The following ATXN8OS variants were observed in gnomAD, a reference collection of about 807,000 sequenced individuals.
ATXN8OS encodes the protein ATXN8 opposite strand lncRNA, also known as ATXN8 opposite strand (non-protein coding).
At chr13:70,126,255 T>C (rs765147642) in intron 2 of ATXN8OS, among the ~76,000 whole-genome samples, 13 of 152,180 alleles carry the variant, frequency 8.5e-5, no homozygotes, top group Non-Finnish European at 1.8e-4. Context: ...AATAGATATG[T>C]ATACATAAAT....
At chr13:70,140,935 G>T (rs1423180833) in intron 3 of ATXN8OS, among the ~76,000 whole-genome samples, 2 of 152,228 alleles carry the variant, frequency 1.3e-5, no homozygotes, top group East Asian at 3.9e-4. Context: ...TAGTTGTAGA[G>T]GTCCACTCCT....
At chr13:70,167,017 C>T (rs1345053290) in intron 4 of ATXN8OS, among the ~76,000 whole-genome samples, 1 of 151,862 alleles carries the variant, frequency 6.6e-6, no homozygotes, top group African/African-American at 2.4e-5. Flanking sequence ...CAGGAAACAA[C>T]AGGTGCTGGA....
chr13:70,139,383 A>ACTACTACTACTACTACTGCTGCTGCTG, intron 3 of ATXN8OS: 12 of 458,322 alleles, frequency 2.6e-5, no homozygotes, highest in African/African-American at 1.2e-4. Flanking sequence ...TACTACTACT[A>ACTACTACTACTACTACTGCTGCTGCTG]CTGCTGCTGC....
In ATXN8OS at chr13:70,157,065, C is replaced by G. The variant is rs140220792; in HGVS notation, n.573+9637C>G. 5.9e-4 allele frequency among the ~76,000 whole-genome samples: 89 copies of G among 152,110 alleles called. No homozygotes were observed. In the East Asian group the frequency reaches 0.014, roughly 24 times the overall value. On this transcript the variant is annotated intron_variant and non_coding_transcript_variant, in intron 4 of 4. Transcript: ENST00000678624. Reference sequence around the variant, plus strand: ...CAAAAGAATTGTCACTTTAATAAACCAATGAAAATGCTAATGCAATCTGAT... The same window carrying G: ...CAAAAGAATTGTCACTTTAATAAACGAATGAAAATGCTAATGCAATCTGAT...
At chr13:70,123,246 G>T (rs994526894) in intron 2 of ATXN8OS, among the ~76,000 whole-genome samples, 3 of 152,002 alleles carry the variant, frequency 2.0e-5, no homozygotes, top group Non-Finnish European at 4.4e-5. Context: ...GTAACTAATT[G>T]AAGTTGATGT....
intron 3 of ATXN8OS, chr13:70,131,468 AC>A (rs2137483598): frequency 2.5e-6 from 1 of 398,428 alleles, no homozygotes; most frequent in Non-Finnish European, 4.4e-6. Context: ...TCTGTCCCTT[AC>A]CTTTTCTCCA....
intron 1 of ATXN8OS, among the ~76,000 whole-genome samples, chr13:70,114,869 G>A (rs991067207): frequency 2.0e-5 from 3 of 151,954 alleles, no homozygotes; most frequent in Non-Finnish European, 2.9e-5. Context: ...TCCATAAGCC[G>A]TACTTTTTCT....
In ATXN8OS at chr13:70,139,294, G is replaced by A. The variant is rs17751306; in HGVS notation, n.500-8061G>A. 9,161 of 528,636 alleles carry A rather than the reference G, an allele frequency of 0.017. 120 individuals are homozygous for A. Among genetic ancestry groups the A allele is most frequent in the Non-Finnish European group, 0.022 (6,638 of 299,780 alleles). The allele number at this position is 528,636 out of a possible 1,614,324, so 32.7% of individuals were successfully genotyped here. ...GGAGAGATTAACTCTGTTGGCTGAA[G>A]CCCTATTCCCAATTCCTTGGCTAGA... On this transcript the variant is annotated intron_variant and non_coding_transcript_variant, in intron 3 of 4. Coordinates refer to ENST00000678624, the Ensembl canonical transcript of ATXN8OS.
rs557708859 is a variant in ATXN8OS, at chr13:70,147,374, G to T, written n.519G>T. On this transcript the variant is annotated non_coding_transcript_exon_variant, in exon 4 of 5. Transcript: ENST00000678624. ...TCCTAGTTCTATATCTGGATAAAGT[G>T]CGAAGGAGCTTAAATCTGTTGAAAC... Among the ~76,000 whole-genome samples the T allele has an allele frequency of 3.3e-5, 5 of 152,168 alleles. No homozygotes were observed. The South Asian group carries it at 1.0e-3, about 32-fold the overall frequency.
At chr13:70,116,282 G>A (rs1004285963) in intron 2 of ATXN8OS, among the ~76,000 whole-genome samples, 17 of 152,054 alleles carry the variant, frequency 1.1e-4, no homozygotes, top group Non-Finnish European at 4.4e-5. Flanking sequence ...CATCCAGGGA[G>A]ATAAATAAAC....
chr13:70,159,797 C>T (rs1888981995), intron 4 of ATXN8OS, among the ~76,000 whole-genome samples: 1 of 152,150 alleles, frequency 6.6e-6, no homozygotes, highest in Non-Finnish European at 1.5e-5. Flanking sequence ...CAGTATATAA[C>T]CTAACACTGG....
intron 2 of ATXN8OS, among the ~76,000 whole-genome samples, chr13:70,125,086 T>G (rs559558569): frequency 6.6e-6 from 1 of 152,240 alleles, no homozygotes; most frequent in East Asian, 1.9e-4. Context: ...TTGTAAATTA[T>G]GGAGGTTTCA....
chr13:70,128,231 G>C (rs1888473017), intron 2 of ATXN8OS, among the ~76,000 whole-genome samples: 1 of 152,022 alleles, frequency 6.6e-6, no homozygotes, highest in African/African-American at 2.4e-5. Context: ...TGGCTTTATT[G>C]CCTGTCTAAT....
At chr13:70,140,784 C>T (rs1888703683) in intron 3 of ATXN8OS, among the ~76,000 whole-genome samples, 1 of 151,908 alleles carries the variant, frequency 6.6e-6, no homozygotes, top group South Asian at 2.1e-4. Flanking sequence ...TTTTAGTAAT[C>T]TCAAATTCAA....
chr13:70,129,745 G>A (rs780765583), intron 2 of ATXN8OS: 15 of 398,176 alleles, frequency 3.8e-5, no homozygotes, highest in Non-Finnish European at 6.6e-5. Context: ...GTCTCCTTAT[G>A]TTTTAACCTG....
chr13:70,146,247 TA>T (rs1236702349), intron 3 of ATXN8OS, among the ~76,000 whole-genome samples: 1 of 146,872 alleles, frequency 6.8e-6, no homozygotes, highest in Non-Finnish European at 1.5e-5. Context: ...TGGCGATCAT[TA>T]AAAAGTCAGG....
At chr13:70,152,141 T>C (rs1157371579) in intron 4 of ATXN8OS, among the ~76,000 whole-genome samples, 1 of 152,068 alleles carries the variant, frequency 6.6e-6, no homozygotes, top group Non-Finnish European at 1.5e-5. Context: ...TAGTTTCTTT[T>C]CCCTAAGTGC....
intron 2 of ATXN8OS, among the ~76,000 whole-genome samples, chr13:70,126,955 A>G (rs1888446728): frequency 6.6e-6 from 1 of 151,828 alleles, no homozygotes; most frequent in African/African-American, 2.4e-5. Flanking sequence ...TATATACACT[A>G]TATATCTATC....
At chr13:70,135,687 A>C (rs191427268) in intron 3 of ATXN8OS, among the ~76,000 whole-genome samples, 8 of 152,122 alleles carry the variant, frequency 5.3e-5, no homozygotes, top group African/African-American at 1.9e-4. Flanking sequence ...TACTATGTAC[A>C]AATTTCATGA....
Sources: allele counts gnomAD v4.1 joint callset (sites outside exome capture counted in the v4.1 genomes callset), GRCh38; gene constraint gnomAD v4.1.1; transcripts MANE v1.5; gene names NCBI Gene and HGNC (gene_info 2026-07-23, HGNC 2026-07-21).